The following INTS11 variants were observed in gnomAD, a reference collection of about 807,000 sequenced individuals.
INTS11 encodes integrator complex subunit 11.
In INTS11, 77 loss-of-function variants were observed where a neutral mutation model predicts 78.6. The ratio of observed to expected loss-of-function variants is 0.98; its 90% confidence interval spans 0.81 to 1.18. The LOEUF (loss-of-function observed/expected upper bound fraction) is 1.18. Among genes scored for constraint, INTS11 ranks in the 50% most tolerant of loss-of-function variants. The probability of loss-of-function intolerance (pLI) is 0.00; values close to 1 mark genes in which losing one functional copy is unlikely to be tolerated. For missense variants in INTS11, 875 were observed against 825.9 expected, an observed-to-expected ratio of 1.06 and a Z score of -0.73; for synonymous variants, 441 against 326.9, an observed-to-expected ratio of 1.35 and a Z score of -3.77.
At chr1:1,315,676 A>AGGGAGGCGGGGGAC (rs1557636645) in intron 4 of INTS11, 58 bp from the exon 5 acceptor site, 7 of 581,474 alleles carry the variant, frequency 1.2e-5, no homozygotes, top group South Asian at 4.1e-5. Flanking sequence ...GCGGGGAGTG[A>AGGGAGGCGGGGGAC]GGGAGGCGGG....
intron 6 of INTS11, 134 bp from the exon 7 acceptor site, chr1:1,315,096 TA>T: frequency 8.9e-7 from 1 of 1,125,662 alleles, no homozygotes. Context: ...AGCCAGCTGG[TA>T]AAATGCTGTG....
At position 1,314,179 on chromosome 1, in the gene INTS11, C is replaced by A; in HGVS notation, c.767+122G>T. ...GGGGTCACACAGCACACGAGCGGCC[C>A]CCCAGGACAGCAGCAAGCAGGGCCA... On this transcript the variant is annotated intron_variant, in intron 8 of 16. Coordinates refer to ENST00000435064, the MANE Select transcript of INTS11 (RefSeq NM_017871.6). The surrounding 1 kb of genome is among the most constrained non-coding windows in gnomAD (Gnocchi z 4.2). 1.0e-6 allele frequency: 1 copy of A among 1,000,038 alleles called. No individual in the cohort carries two copies. Among genetic ancestry groups the A allele is most frequent in the South Asian group, 1.4e-5 (1 of 72,022 alleles). The allele number at this position is 1,000,038 out of a possible 1,614,324, so 61.9% of individuals were successfully genotyped here. A position where few individuals can be genotyped will look rare whatever the true frequency, so the allele number is the denominator to read the frequency against.
rs200186070 is a variant in INTS11 at position 1,311,928 on chromosome 1, G to C, written c.1738-4C>G. The C allele has an allele frequency of 1.1e-5, 18 of 1,581,958 alleles. No homozygotes were observed. Among genetic ancestry groups the C allele is most frequent in the South Asian group, 2.3e-5 (2 of 88,262 alleles). On this transcript the variant is annotated splice_region_variant and splice_polypyrimidine_tract_variant and intron_variant, in intron 16 of 16. Transcript: ENST00000435064. Reference sequence around the variant, plus strand: ...GGAAGCTCCCCAGCTCCTCGTCCTAGGGCAGAGGCAAAAGCATTGTGGGTG... The same window carrying C: ...GGAAGCTCCCCAGCTCCTCGTCCTACGGCAGAGGCAAAAGCATTGTGGGTG...
chr1:1,313,885 G>A lies in INTS11; in HGVS notation c.804C>T (p.Ser268=). The A allele has an allele frequency of 1.9e-6, 3 of 1,613,074 alleles. No individual in the cohort carries two copies. Among genetic ancestry groups the A allele is most frequent in the Non-Finnish European group, 2.5e-6 (3 of 1,179,922 alleles). ...RMNLKVPIYF[S]TGLTEKANHY... is the part of the protein sequence containing the mutation. The stretch of plus-strand genomic sequence containing the variant: ...GGTTGGCCTTCTCGGTCAGCCCCGT[G>A]GAGAAGTAGATGGGCACCTTCAGGT... Residue 268 remains serine (S), a synonymous_variant, in exon 9 of 17, where the codon TCC becomes TCT. Transcript: ENST00000435064.
Position 1,315,599 on chromosome 1 carries a change from A to C in INTS11, c.449T>G (p.Ile150Ser). Reference sequence around the variant, plus strand: ...CACGTGGCCTGCATAGTAGGCCTTGATCTCCAGCTCATCATCTACCTGTGG... The same window carrying C: ...CACGTGGCCTGCATAGTAGGCCTTGCTCTCCAGCTCATCATCTACCTGTGG... ...QTVQVDDELE[I>S]KAYYAGHVLG... Residue 150 changes from isoleucine to serine, a missense_variant, in exon 5 of 17, where the codon ATC (isoleucine) becomes AGC (serine). Ile to Ser is a moderately radical substitution (Grantham distance 142). Transcript: ENST00000435064. 1 of 1,609,610 alleles carries C rather than the reference A, an allele frequency of 6.2e-7. No homozygotes were observed. The highest frequency in any genetic ancestry group is 8.5e-7 in the Non-Finnish European group (1 of 1,179,004).
In INTS11 at chr1:1,314,832, C is replaced by G. The variant is rs1642478560; in HGVS notation, c.694G>C (p.Gly232Arg). The G allele has an allele frequency of 6.2e-7, 1 of 1,611,070 alleles. No homozygotes were observed. The highest frequency in any genetic ancestry group is 8.5e-7 in the Non-Finnish European group (1 of 1,178,562). The stretch of plus-strand genomic sequence containing the variant: ...ACCCCTGCTGCAGCTACCTTCCCAC[C>G]ACGCTCCACGGTCTCGTGGACTTTC... ...LKKVHETVER[G>R]GKVLIPVFAL... is the part of the protein sequence containing the mutation. Residue 232 changes from glycine to arginine, a missense_variant, in exon 7 of 17, where the codon GGT becomes CGT. Transcript: ENST00000435064. The surrounding 1 kb of genome is among the most constrained non-coding windows in gnomAD (Gnocchi z 4.2).
chr1:1,320,561 A>C lies in INTS11; in HGVS notation c.127-32T>G, dbSNP rs751379503. 2.5e-6 allele frequency: 4 copies of C among 1,610,142 alleles called. No individual in the cohort carries two copies. In the African/African-American group the frequency reaches 4.0e-5, roughly 16 times the overall value. On this transcript the variant is annotated intron_variant, in intron 2 of 16. Coordinates refer to ENST00000435064, the MANE Select transcript of INTS11 (RefSeq NM_017871.6). Reference sequence around the variant, plus strand: ...AGGATGTGGGGGTTTCAGGTTGCACAGTGGTCTCCAGGCAGCATCTGGGGC... The same window carrying C: ...AGGATGTGGGGGTTTCAGGTTGCACCGTGGTCTCCAGGCAGCATCTGGGGC...
In INTS11 at chr1:1,313,113, G is replaced by A. The variant is rs750944542; in HGVS notation, c.1053C>T (p.Pro351=). ...AGNEKNMVIM[P]GYCVQGTVGH... ...CGACGGTGCCCTGCACGCAGTAGCC[G>A]GGCATGATGACCTGGGGGCAGGCAC... The change falls in exon 11 of 17, where the codon CCC becomes CCT. Residue 351 remains proline (P), a synonymous_variant. Coordinates refer to ENST00000435064, the MANE Select transcript of INTS11 (RefSeq NM_017871.6). The A allele has an allele frequency of 1.6e-5, 25 of 1,607,254 alleles. No homozygotes were observed. The highest frequency in any genetic ancestry group is 9.9e-5 in the South Asian group (9 of 90,986).
Position 1,315,592 on chromosome 1 carries a change from G to T in INTS11, c.456C>A (p.Ala152=). ...CCCCCAGCACGTGGCCTGCATAGTA[G>T]GCCTTGATCTCCAGCTCATCATCTA... ...VQVDDELEIK[A]YYAGHVLGAA... is the part of the protein sequence containing the mutation. Residue 152 remains alanine (A), a synonymous_variant, in exon 5 of 17, where the codon GCC becomes GCA. Transcript: ENST00000435064. The T allele has an allele frequency of 6.2e-7, 1 of 1,611,908 alleles. No homozygotes were observed. Among genetic ancestry groups the T allele is most frequent in the Non-Finnish European group, 8.5e-7 (1 of 1,179,616 alleles).
chr1:1,315,701 G>A (rs1642542948), intron 4 of INTS11, 83 bp from the exon 5 acceptor site: 1 of 296,798 alleles, frequency 3.4e-6, no homozygotes, highest in South Asian at 4.3e-5. Flanking sequence ...GGGAAGCGCG[G>A]GAGGCGGGGG....
chr1:1,324,556 A>T, intron 1 of INTS11, 25 bp downstream of exon 1: 1 of 1,588,778 alleles, frequency 6.3e-7, no homozygotes, highest in South Asian at 1.1e-5. Context: ...CCCACCCCAC[A>T]GCCCTCCCGG....
At chr1:1,323,318 C>T (rs759466642) in intron 1 of INTS11, 1 of 1,534,712 alleles carries the variant, frequency 6.5e-7, no homozygotes, top group South Asian at 1.2e-5. Context: ...ATCAGGATGA[C>T]TGGCCACCAA....
Position 1,314,757 on chromosome 1 carries a change from C to A in INTS11, c.702+67G>T. ...AGACCCTGACCCATGCCAAGGGCAG[C>A]CAAGCCTGCCAGAAAGACCAGCCCA... On this transcript the variant is annotated intron_variant, in intron 7 of 16. Transcript: ENST00000435064. This position sits in a 1 kb window ranked among gnomAD's most constrained non-coding sequence, Gnocchi z 4.2. 1 of 1,550,954 alleles carries A rather than the reference C, an allele frequency of 6.4e-7. No homozygotes were observed. The highest frequency in any genetic ancestry group is 8.8e-7 in the Non-Finnish European group (1 of 1,137,918).
intron 4 of INTS11, chr1:1,316,659 T>A (rs1022846003): frequency 2.0e-5 from 3 of 152,170 alleles, no homozygotes; most frequent in Non-Finnish European, 4.4e-5. Flanking sequence ...GTGCGGTGGC[T>A]CATGCCTGTA....
At chr1:1,320,820 C>A in intron 2 of INTS11, 176 bp downstream of exon 2, 1 of 746,312 alleles carries the variant, frequency 1.3e-6, no homozygotes, top group Non-Finnish European at 2.4e-6. Context: ...CAGGGGGACC[C>A]CACCATGCAG....
chr1:1,322,088 T>A, intron 1 of INTS11: 1 of 706,276 alleles, frequency 1.4e-6, no homozygotes, highest in Non-Finnish European at 2.1e-6. Flanking sequence ...TCCCTCTGCA[T>A]CTCCTACCCC....
At position 1,313,743 on chromosome 1, in the gene INTS11, G is replaced by T; in HGVS notation, c.946C>A (p.Pro316Thr). 3 of 1,613,000 alleles carry T rather than the reference G, an allele frequency of 1.9e-6. No individual in the cohort carries two copies. Among genetic ancestry groups the T allele is most frequent in the Non-Finnish European group, 2.5e-6 (3 of 1,179,942 alleles). The change falls in exon 9 of 17, where the codon CCA (proline) becomes ACA (threonine). Residue 316 changes from proline to threonine, a missense_variant. By Grantham distance (38) the Pro-to-Thr change is conservative. Coordinates refer to ENST00000435064, the MANE Select transcript of INTS11 (RefSeq NM_017871.6). ...KAFDRAFADN[P>T]GPMVVFATPG... ...GCCGCGGGCCTCACCATCGGTCCTG[G>T]GTTGTCAGCAAAAGCCCGGTCGAAG...
At chr1:1,321,898 T>TTAC in intron 1 of INTS11, 3 of 1,141,988 alleles carry the variant, frequency 2.6e-6, no homozygotes, top group African/African-American at 3.3e-5. Context: ...TCCCCTTGAA[T>TTAC]CCCACCCACC....
chr1:1,313,649 C>G, intron 9 of INTS11, 57 bp from the exon 10 acceptor site: 1 of 1,611,516 alleles, frequency 6.2e-7, no homozygotes, highest in Non-Finnish European at 8.5e-7. Flanking sequence ...CCCACCCCCA[C>G]TGCAGGCCCA....
Sources: allele counts gnomAD v4.1 joint callset, GRCh38; gene constraint gnomAD v4.1.1; non-coding constraint Gnocchi (gnomAD v3.1); transcripts MANE v1.5; gene names NCBI Gene and HGNC (gene_info 2026-07-23, HGNC 2026-07-21).